Variants in PCDHGA4 observed in about 807,000 individuals in gnomAD.
PCDHGA4 encodes protocadherin gamma-A4.
PCDHGA4 carries 38 observed loss-of-function variants against 54.6 expected under a neutral mutation model. The observed-to-expected ratio is 0.70, with a 90% confidence interval of 0.54 to 0.91. PCDHGA4 has a LOEUF of 0.91. Among genes scored for constraint, PCDHGA4 ranks in the 40% least tolerant of loss-of-function variants. The pLI is 0.00. For synonymous variants in PCDHGA4, 511 were observed against 512.9 expected, an observed-to-expected ratio of 1.00 and a Z score of 0.05; for missense variants, 1,298 against 1,220.9, an observed-to-expected ratio of 1.06 and a Z score of -0.94.
chr5:141,499,408 G>C (rs1178843162), intron 2 of PCDHGA4, among the ~76,000 whole-genome samples: 1 of 151,896 alleles, frequency 6.6e-6, no homozygotes, highest in Non-Finnish European at 1.5e-5. Context: ...GCTCATTATA[G>C]AAACATGAAA....
rs994878374 is a variant in PCDHGA4, at chr5:141,491,785, C to T, written c.2515-3022C>T. ...TCCTCATAAGGGATTGAACTTGCAT[C>T]CACTCCTCTCCGGCCGGCTTGGTCG... is the stretch of plus-strand genomic sequence containing the variant. On this transcript the variant is annotated intron_variant, in intron 1 of 3. Transcript: ENST00000571252. The surrounding 1 kb of genome is among the most constrained non-coding windows in gnomAD (Gnocchi z 6.9). 20 of 1,529,458 alleles carry T rather than the reference C, an allele frequency of 1.3e-5. No individual in the cohort carries two copies. Among genetic ancestry groups the T allele is most frequent in the Non-Finnish European group, 1.8e-5 (20 of 1,139,198 alleles). The allele number at this position is 1,529,458 out of a possible 1,614,324, so 94.7% of individuals were successfully genotyped here. A position where few individuals can be genotyped will look rare whatever the true frequency, so the allele number is the denominator to read the frequency against.
intron 1 of PCDHGA4, chr5:141,409,596 AC>A: frequency 6.2e-7 from 1 of 1,613,714 alleles, no homozygotes; most frequent in Non-Finnish European, 8.5e-7. Flanking sequence ...GCCGAGAACA[AC>A]CCGCCAGGAG....
chr5:141,423,970 A>C, intron 1 of PCDHGA4: 1 of 1,143,228 alleles, frequency 8.7e-7, no homozygotes, highest in Non-Finnish European at 1.1e-6. Flanking sequence ...TTCTATTATC[A>C]GTGTATGAGG....
chr5:141,408,846 TGGACGGA>T, intron 1 of PCDHGA4: 1 of 1,613,698 alleles, frequency 6.2e-7, no homozygotes, highest in Non-Finnish European at 8.5e-7. Flanking sequence ...TTGACTGCCT[TGGACGGA>T]GGGGACCCAC....
intron 1 of PCDHGA4, chr5:141,422,335 C>T (rs1196951059): frequency 6.5e-7 from 1 of 1,549,804 alleles, no homozygotes; most frequent in Non-Finnish European, 8.7e-7. Flanking sequence ...GATTGCTCTT[C>T]TAAATGTGCA....
chr5:141,382,757 C>T, intron 1 of PCDHGA4: 2 of 657,638 alleles, frequency 3.0e-6, no homozygotes, highest in East Asian at 2.7e-5. Flanking sequence ...GCGATAAGCC[C>T]TCTTCCAGGC....
chr5:141,450,615 T>C (rs2098687601), intron 1 of PCDHGA4, among the ~76,000 whole-genome samples: 1 of 151,340 alleles, frequency 6.6e-6, no homozygotes, highest in African/African-American at 2.4e-5. Flanking sequence ...GCCTCCTGAG[T>C]AGCTGGGATT....
At chr5:141,427,566 C>A (rs1218268757) in intron 1 of PCDHGA4, 1 of 659,032 alleles carries the variant, frequency 1.5e-6, no homozygotes, top group Non-Finnish European at 2.8e-6. Context: ...CAAGGGCAAG[C>A]CTCCGCTCTC....
intron 1 of PCDHGA4, among the ~76,000 whole-genome samples, chr5:141,473,466 G>A (rs1217251844): frequency 1.3e-5 from 2 of 151,738 alleles, no homozygotes; most frequent in East Asian, 1.9e-4. Flanking sequence ...TTAAAGTTGT[G>A]CCAAGTTCAA....
At chr5:141,413,820 C>T in intron 1 of PCDHGA4, 1 of 1,613,204 alleles carries the variant, frequency 6.2e-7, no homozygotes, top group Non-Finnish European at 8.5e-7. Flanking sequence ...ACCACCTGGT[C>T]CTCACCGCCT....
chr5:141,433,162 A>G, intron 1 of PCDHGA4: 1 of 1,613,890 alleles, frequency 6.2e-7, no homozygotes, highest in Non-Finnish European at 8.5e-7. Flanking sequence ...TATTTTCTAA[A>G]GACAGTCATG....
intron 1 of PCDHGA4, chr5:141,395,547 TGTGTGTGTGTGTG>T (rs2093269474): frequency 0.024 from 4,142 of 174,004 alleles, 329 homozygotes; most frequent in East Asian, 0.047. Flanking sequence ...ATTGTTTGTG[TGTGTGTGTGTGTG>T]TGTGTGTGTG....
intron 1 of PCDHGA4, among the ~76,000 whole-genome samples, chr5:141,473,431 G>T (rs541546681): frequency 3.3e-5 from 5 of 152,148 alleles, no homozygotes; most frequent in Non-Finnish European, 7.3e-5. Flanking sequence ...CAGATACTTT[G>T]CTTATGCAAA....
chr5:141,408,153 C>T, intron 1 of PCDHGA4: 4 of 1,509,360 alleles, frequency 2.7e-6, no homozygotes, highest in Non-Finnish European at 3.6e-6. Context: ...CGGTAGAGTG[C>T]ACTTTCTCCA....
intron 1 of PCDHGA4, chr5:141,394,966 GC>G (rs1294759609): frequency 1.2e-6 from 2 of 1,613,886 alleles, no homozygotes; most frequent in Non-Finnish European, 1.7e-6. Context: ...AGGCTGAGGC[GC>G]TGGCACAAGT....
chr5:141,406,976 A>G (rs773444464), intron 1 of PCDHGA4, among the ~76,000 whole-genome samples: 12 of 152,244 alleles, frequency 7.9e-5, no homozygotes, highest in Non-Finnish European at 1.8e-4. Flanking sequence ...AGTAAATAAC[A>G]TTTCACAAGA....
chr5:141,484,653 C>G (rs2099598614), intron 1 of PCDHGA4, among the ~76,000 whole-genome samples: 1 of 152,036 alleles, frequency 6.6e-6, no homozygotes, highest in Non-Finnish European at 1.5e-5. Flanking sequence ...AATGGCTACT[C>G]TCCCTCTCAG....
chr5:141,433,374 T>A (rs948922353), intron 1 of PCDHGA4, among the ~76,000 whole-genome samples: 36 of 150,958 alleles, frequency 2.4e-4, no homozygotes, highest in African/African-American at 8.6e-4. Flanking sequence ...TATCTATCTA[T>A]CTATCTATCT....
At position 141,493,841 on chromosome 5, in the gene PCDHGA4, T is replaced by C. The variant is rs774682943; in HGVS notation, c.2515-966T>C. On this transcript the variant is annotated intron_variant, in intron 1 of 3. Transcript: ENST00000571252. The surrounding 1 kb of genome is among the most constrained non-coding windows in gnomAD (Gnocchi z 4.3). ...CTCTGCTTCTGGGAGCAAGTATGAGTATTAATTACCAGCCCACCCCAGAAC... is the reference window on the plus strand; with the variant it reads ...CTCTGCTTCTGGGAGCAAGTATGAGCATTAATTACCAGCCCACCCCAGAAC... Among the ~76,000 whole-genome samples the C allele has an allele frequency of 3.3e-5, 5 of 152,140 alleles. No homozygotes were observed. In the East Asian group the frequency reaches 9.7e-4, roughly 29 times the overall value.
Sources: allele counts gnomAD v4.1 joint callset (sites outside exome capture counted in the v4.1 genomes callset), GRCh38; gene constraint gnomAD v4.1.1; non-coding constraint Gnocchi (gnomAD v3.1); transcripts MANE v1.5; gene names NCBI Gene and HGNC (gene_info 2026-07-23, HGNC 2026-07-21).